The following UPF2 variants were observed in gnomAD, a reference collection of about 807,000 sequenced individuals.
UPF2 encodes the protein regulator of nonsense transcripts 2.
A neutral mutation model predicts 141.4 loss-of-function variants in UPF2; 17 were observed. That is an observed-to-expected ratio of 0.12 (90% CI 0.08 to 0.18). UPF2 has a LOEUF of 0.18. Ranked by LOEUF, UPF2 falls within the 10% of genes least tolerant of loss-of-function variation. UPF2 has a pLI of 1.00. For missense variants in UPF2, 1,152 were observed against 1,515.9 expected, an observed-to-expected ratio of 0.76 and a Z score of 3.99; for synonymous variants, 540 against 498.0, an observed-to-expected ratio of 1.08 and a Z score of -1.12.
At position 11,956,439 on chromosome 10, in the gene UPF2, C is replaced by T; in HGVS notation, c.2455G>A (p.Val819Met). 1 of 1,614,140 alleles carries T rather than the reference C, an allele frequency of 6.2e-7. No individual in the cohort carries two copies. Among genetic ancestry groups the T allele is most frequent in the Non-Finnish European group, 8.5e-7 (1 of 1,180,000 alleles). The change falls in exon 13 of 22, where the codon GTG becomes ATG. Residue 819 changes from valine (V) to methionine (M), a missense_variant. Transcript: ENST00000357604. This position sits in a 1 kb window ranked among gnomAD's most constrained non-coding sequence, Gnocchi z 4.2. ...ACACAATGAATACTATTATATTTCA[C>T]ATTCCAGATGTTTATCATACAACAA... is the stretch of plus-strand genomic sequence containing the variant. ...VICCMINIWN[V>M]KYNSIHCVAN... is the part of the protein sequence containing the mutation.
intron 18 of UPF2, among the ~76,000 whole-genome samples, chr10:11,942,425 A>G (rs17151073): frequency 0.031 from 4,705 of 152,246 alleles, 250 homozygotes; most frequent in African/African-American, 0.11. Context: ...GATTGGCACA[A>G]TGAAATTATT....
chr10:11,962,843 T>G (rs898476157), intron 11 of UPF2, among the ~76,000 whole-genome samples: 5 of 152,224 alleles, frequency 3.3e-5, no homozygotes, highest in African/African-American at 1.2e-4. Flanking sequence ...TCTCTGCCTT[T>G]AAGACTCAGC....
intron 21 of UPF2, among the ~76,000 whole-genome samples, chr10:11,928,977 T>C (rs926891924): frequency 3.9e-5 from 6 of 152,112 alleles, no homozygotes; most frequent in African/African-American, 1.4e-4. Flanking sequence ...GGTGAAACCC[T>C]GTCTCTACTA....
chr10:11,981,960 A>G (rs952923200), intron 8 of UPF2, among the ~76,000 whole-genome samples: 1 of 152,182 alleles, frequency 6.6e-6, no homozygotes, highest in Non-Finnish European at 1.5e-5. Context: ...CTGGGATTAC[A>G]GGTGTGCGCC....
intron 6 of UPF2, 47 bp downstream of exon 6, chr10:12,001,629 T>G: frequency 6.5e-7 from 1 of 1,527,046 alleles, no homozygotes; most frequent in Non-Finnish European, 8.8e-7. Context: ...AAGAGCTCTG[T>G]GTGTAAAAAC....
chr10:11,987,640 T>C (rs1283170808), intron 8 of UPF2, among the ~76,000 whole-genome samples: 1 of 151,698 alleles, frequency 6.6e-6, no homozygotes, highest in Non-Finnish European at 1.5e-5. Context: ...TGCATGCCTG[T>C]AGTCCCAGCT....
At chr10:11,947,911 T>C (rs1256997808) in intron 16 of UPF2, among the ~76,000 whole-genome samples, 2 of 147,728 alleles carry the variant, frequency 1.4e-5, no homozygotes. Flanking sequence ...AAACAAGGGG[T>C]TTTATGATAA....
intron 21 of UPF2, 140 bp downstream of exon 21, chr10:11,929,725 T>A: frequency 8.1e-7 from 1 of 1,237,338 alleles, no homozygotes; most frequent in Non-Finnish European, 1.1e-6. Flanking sequence ...TCTACTTTTC[T>A]ATTTTGCTAA....
At chr10:11,934,654 A>G (rs371466091) in intron 19 of UPF2, among the ~76,000 whole-genome samples, 1 of 152,130 alleles carries the variant, frequency 6.6e-6, no homozygotes, top group African/African-American at 2.4e-5. Context: ...CAATGGTGTG[A>G]TCTTGGCTCA....
chr10:12,010,406 G>T (rs1022709691), intron 4 of UPF2, among the ~76,000 whole-genome samples: 1 of 152,176 alleles, frequency 6.6e-6, no homozygotes. Flanking sequence ...GATTGAACAT[G>T]TCAGATACAA....
Position 11,959,253 on chromosome 10 carries a change from G to A in UPF2, c.2288C>T (p.Thr763Ile). 6.2e-7 allele frequency: 1 copy of A among 1,613,392 alleles called. No individual in the cohort carries two copies. The highest frequency in any genetic ancestry group is 2.2e-5 in the East Asian group (1 of 44,836). Residue 763 changes from threonine (T) to isoleucine (I), a missense_variant, in exon 12 of 22, where the codon ACC (threonine) becomes ATC (isoleucine). Transcript: ENST00000357604. The surrounding 1 kb of genome is among the most constrained non-coding windows in gnomAD (Gnocchi z 5.9). Reference sequence around the variant, plus strand: ...GAGAGGAGGACGTTTCTTTTTCACGGTTTTTTCAGCTGGAGGTGGGTTGCA... The same window carrying A: ...GAGAGGAGGACGTTTCTTTTTCACGATTTTTTCAGCTGGAGGTGGGTTGCA... ...YYCNPPPAEKTVKKKRPPLQE... is the reference protein window; with the variant it reads ...YYCNPPPAEKIVKKKRPPLQE...
intron 9 of UPF2, among the ~76,000 whole-genome samples, chr10:11,970,637 C>T (rs894600906): frequency 2.0e-5 from 3 of 151,860 alleles, no homozygotes; most frequent in Admixed American, 2.0e-4. Context: ...CACGGTGAAA[C>T]CCTGTCTCTA....
At chr10:11,974,048 T>C (rs898937969) in intron 9 of UPF2, among the ~76,000 whole-genome samples, 2 of 152,202 alleles carry the variant, frequency 1.3e-5, no homozygotes, top group African/African-American at 4.8e-5. Context: ...GTGTCCTCTT[T>C]TATTTCGTTG....
In UPF2 at chr10:11,998,689, C is replaced by T. The variant is rs1184100613; in HGVS notation, c.1759-932G>A. On this transcript the variant is annotated intron_variant, in intron 7 of 21. Coordinates refer to ENST00000357604, the MANE Select transcript of UPF2 (RefSeq NM_015542.4). This position sits in a 1 kb window ranked among gnomAD's most constrained non-coding sequence, Gnocchi z 4.5. Reference sequence around the variant, plus strand: ...CCAACATAGTGAAACCCTGTCTCTACTAAAAATATAAAAAATTAGCCGGGC... The same window carrying T: ...CCAACATAGTGAAACCCTGTCTCTATTAAAAATATAAAAAATTAGCCGGGC... 3.3e-5 allele frequency among the ~76,000 whole-genome samples: 5 copies of T among 152,144 alleles called. No individual in the cohort carries two copies. The East Asian group carries it at 9.7e-4, about 29-fold the overall frequency.
chr10:12,009,713 A>G (rs1834096032), intron 4 of UPF2, among the ~76,000 whole-genome samples: 1 of 152,220 alleles, frequency 6.6e-6, no homozygotes, highest in Non-Finnish European at 1.5e-5. Context: ...GTTGAGGATG[A>G]GAGCTGAGGG....
chr10:12,001,562 G>A (rs891300700), intron 6 of UPF2, 114 bp downstream of exon 6: 13 of 1,087,656 alleles, frequency 1.2e-5, no homozygotes, highest in Non-Finnish European at 1.6e-5. Flanking sequence ...GAAAACAACA[G>A]AAAAACAAGG....
intron 15 of UPF2, among the ~76,000 whole-genome samples, chr10:11,951,662 C>A (rs752734754): frequency 6.6e-6 from 1 of 152,212 alleles, no homozygotes; most frequent in Non-Finnish European, 1.5e-5. Flanking sequence ...CTGACAGGTA[C>A]TCCCTTCTAC....
At chr10:11,960,787 A>C (rs1833227469) in intron 11 of UPF2, among the ~76,000 whole-genome samples, 1 of 151,588 alleles carries the variant, frequency 6.6e-6, no homozygotes, top group Non-Finnish European at 1.5e-5. Flanking sequence ...AAAAAAAAAA[A>C]TAAGAAAGAA....
intron 10 of UPF2, among the ~76,000 whole-genome samples, chr10:11,966,568 G>A (rs546473866): frequency 1.4e-4 from 22 of 152,250 alleles, no homozygotes; most frequent in African/African-American, 5.3e-4. Flanking sequence ...GGGATTACAG[G>A]TGCATACCAC....
Sources: gnomAD v4.1 joint callset for allele counts (sites outside exome capture counted in the v4.1 genomes callset) on GRCh38, gnomAD v4.1.1 for gene constraint, Gnocchi (gnomAD v3.1) non-coding constraint, MANE v1.5 for transcripts, NCBI Gene and HGNC (gene_info 2026-07-23, HGNC 2026-07-21) for gene names.